Variants in SLC44A5 observed in about 807,000 individuals in gnomAD.
SLC44A5 encodes the protein solute carrier family 44 member 5, also known as choline transporter-like protein 5.
A neutral mutation model predicts 101.8 loss-of-function variants in SLC44A5; 57 were observed. The observed-to-expected ratio is 0.56, with a 90% confidence interval of 0.45 to 0.70. The LOEUF is 0.70. SLC44A5 is among the 30% of genes least tolerant of loss of function. The probability of loss-of-function intolerance (pLI) is 0.00; values close to 1 mark genes in which losing one functional copy is unlikely to be tolerated. For synonymous variants in SLC44A5, 281 were observed against 290.9 expected (o/e 0.97, Z 0.35); for missense variants, 737 against 853.1 (o/e 0.86, Z 1.70).
intron 2 of SLC44A5, among the ~76,000 whole-genome samples, chr1:75,423,045 A>G (rs1278900135): frequency 6.6e-6 from 1 of 152,196 alleles, no homozygotes; most frequent in Non-Finnish European, 1.5e-5. Context: ...AGTTCCATTT[A>G]TTGACATTAA....
chr1:75,659,656 T>G, the SLC44A5 span, among the ~76,000 whole-genome samples: 1 of 140,700 alleles, frequency 7.1e-6, no homozygotes, highest in Non-Finnish European at 1.5e-5. Flanking sequence ...AAAAGTTAAC[T>G]GAGCCTGGTA....
intron 3 of SLC44A5, among the ~76,000 whole-genome samples, 153 bp downstream of exon 3, chr1:75,396,430 T>C (rs971192134): frequency 2.0e-5 from 3 of 152,146 alleles, no homozygotes; most frequent in East Asian, 1.9e-4. Flanking sequence ...AAACAGACAG[T>C]TGAAAGAAGA....
chr1:75,540,892 T>C (rs547666056), intron 2 of SLC44A5, among the ~76,000 whole-genome samples: 1 of 152,278 alleles, frequency 6.6e-6, no homozygotes, highest in East Asian at 1.9e-4. Flanking sequence ...AATCTAACTA[T>C]GGGGACAGAA....
chr1:75,582,312 A>G (rs1673742516), intron 1 of SLC44A5: 1 of 1,498,036 alleles, frequency 6.7e-7, no homozygotes, highest in South Asian at 1.2e-5. Flanking sequence ...AAGGCTATCA[A>G]GGCCCTGGTA....
At chr1:75,394,764 A>G (rs931925590) in intron 3 of SLC44A5, among the ~76,000 whole-genome samples, 2 of 152,070 alleles carry the variant, frequency 1.3e-5, no homozygotes, top group African/African-American at 4.8e-5. Flanking sequence ...AAGAAGTGTA[A>G]ATGTGGAGTG....
intron 2 of SLC44A5, among the ~76,000 whole-genome samples, chr1:75,420,216 G>C (rs1663916530): frequency 6.6e-6 from 1 of 152,110 alleles, no homozygotes; most frequent in South Asian, 2.1e-4. Flanking sequence ...CTCCAGAACT[G>C]TGAGAACTAA....
At chr1:75,460,211 T>C (rs1481340082) in intron 2 of SLC44A5, among the ~76,000 whole-genome samples, 1 of 152,224 alleles carries the variant, frequency 6.6e-6, no homozygotes, top group Non-Finnish European at 1.5e-5. Context: ...GAGTTTATAA[T>C]GTTATGATAA....
intron 2 of SLC44A5, among the ~76,000 whole-genome samples, chr1:75,524,431 A>C (rs116174012): frequency 0.011 from 1,695 of 152,266 alleles, 41 homozygotes; most frequent in African/African-American, 0.039. Context: ...ACCCTCATGA[A>C]TGCACCCAAA....
intron 2 of SLC44A5, among the ~76,000 whole-genome samples, chr1:75,441,324 C>T (rs1185092678): frequency 6.6e-6 from 1 of 152,098 alleles, no homozygotes; most frequent in Non-Finnish European, 1.5e-5. Context: ...ATGCAAGTAG[C>T]ACCCACTTCA....
chr1:75,599,134 G>A (rs1180296269), intron 1 of SLC44A5, among the ~76,000 whole-genome samples: 1 of 140,562 alleles, frequency 7.1e-6, no homozygotes, highest in Non-Finnish European at 1.6e-5. Flanking sequence ...TAGTATCTGT[G>A]ATATGTCCAA....
At chr1:75,616,454 G>T in the SLC44A5 span, among the ~76,000 whole-genome samples, 4 of 152,176 alleles carry the variant, frequency 2.6e-5, no homozygotes, top group Non-Finnish European at 4.4e-5. Flanking sequence ...CCTTCCTCTG[G>T]GCCTTCGAAG....
At chr1:75,639,586 G>A in the SLC44A5 span, among the ~76,000 whole-genome samples, 4 of 152,060 alleles carry the variant, frequency 2.6e-5, no homozygotes, top group African/African-American at 7.2e-5. Flanking sequence ...CAGACCCACC[G>A]TGTTCTGTCT....
intron 6 of SLC44A5, among the ~76,000 whole-genome samples, chr1:75,268,908 T>C (rs1651229282): frequency 1.3e-5 from 2 of 152,154 alleles, no homozygotes; most frequent in African/African-American, 4.8e-5. Flanking sequence ...ATTTTATTAT[T>C]ACTATTACAT....
intron 1 of SLC44A5, among the ~76,000 whole-genome samples, chr1:75,563,550 TA>T (rs1672632891): frequency 6.6e-6 from 1 of 151,946 alleles, no homozygotes; most frequent in African/African-American, 2.4e-5. Flanking sequence ...TAAATAATAG[TA>T]AAAAAATTCA....
At chr1:75,615,370 T>C (rs1196371825), upstream of SLC44A5, among the ~76,000 whole-genome samples, 1 of 147,354 alleles carries the variant, frequency 6.8e-6, no homozygotes, top group Non-Finnish European at 1.5e-5. Flanking sequence ...GAGGGGGGAT[T>C]GGAAGAAAAG....
At chr1:75,530,343 G>A (rs1289702084) in intron 2 of SLC44A5, among the ~76,000 whole-genome samples, 1 of 152,062 alleles carries the variant, frequency 6.6e-6, no homozygotes, top group Non-Finnish European at 1.5e-5. Context: ...CCAGGAGAGT[G>A]GAGGTACAGC....
intron 6 of SLC44A5, 47 bp downstream of exon 6, chr1:75,274,911 C>A: frequency 7.0e-7 from 1 of 1,421,684 alleles, no homozygotes; most frequent in South Asian, 1.2e-5. Context: ...TATCTAGGTT[C>A]CAGTTTAGAC....
At chr1:75,236,476 T>C (rs913320991) in intron 11 of SLC44A5, among the ~76,000 whole-genome samples, 3 of 152,052 alleles carry the variant, frequency 2.0e-5, no homozygotes, top group Non-Finnish European at 4.4e-5. Context: ...TATATATTTA[T>C]GTATCGCATA....
the SLC44A5 span, among the ~76,000 whole-genome samples, chr1:75,719,860 G>A: frequency 6.6e-6 from 1 of 152,126 alleles, no homozygotes; most frequent in South Asian, 2.1e-4. Flanking sequence ...AAACCAATAT[G>A]GCCCAGTGGG....
Sources: allele counts gnomAD v4.1 joint callset (sites outside exome capture counted in the v4.1 genomes callset), GRCh38; gene constraint gnomAD v4.1.1; transcripts MANE v1.5; gene names NCBI Gene and HGNC (gene_info 2026-07-23, HGNC 2026-07-21).